The following EBF1 variants were observed in gnomAD, a reference collection of about 807,000 sequenced individuals.
EBF1 encodes EBF transcription factor 1.
A neutral mutation model predicts 68.4 loss-of-function variants in EBF1; 10 were observed. The observed-to-expected ratio is 0.15, with a 90% CI of 0.09 to 0.25. The LOEUF is 0.25. EBF1 is among the 10% of genes least tolerant of loss of function. EBF1 has a pLI of 1.00. For missense variants in EBF1, 509 were observed against 794.4 expected (o/e 0.64, Z 4.32); for synonymous variants, 298 against 299.8 (o/e 0.99, Z 0.06).
chr5:159,012,023 T>C (rs1764766498), intron 6 of EBF1, among the ~76,000 whole-genome samples: 1 of 152,100 alleles, frequency 6.6e-6, no homozygotes, highest in Non-Finnish European at 1.5e-5. Flanking sequence ...GTGCAGTGAC[T>C]CACGCCTGTA....
chr5:158,955,180 G>A (rs1332518801), intron 6 of EBF1, among the ~76,000 whole-genome samples: 3 of 152,030 alleles, frequency 2.0e-5, no homozygotes, highest in Admixed American at 6.6e-5. Context: ...AAAATCAGCC[G>A]GGAGTGGTGG....
chr5:158,851,869 GT>G, intron 6 of EBF1, among the ~76,000 whole-genome samples: 1 of 65,176 alleles, frequency 1.5e-5, no homozygotes, highest in Non-Finnish European at 3.1e-5. Context: ...AAGAGGGGAG[GT>G]GAAGGGTGTG....
chr5:158,703,252 GGT>G (rs1242900408), intron 15 of EBF1, among the ~76,000 whole-genome samples: 1 of 152,182 alleles, frequency 6.6e-6, no homozygotes, highest in Admixed American at 6.5e-5. Flanking sequence ...GACACAGTTA[GGT>G]AGTCTGGGAC....
At chr5:158,730,972 G>C (rs931133678) in intron 11 of EBF1, 97 bp downstream of exon 11, 1 of 1,118,382 alleles carries the variant, frequency 8.9e-7, no homozygotes. Context: ...AAAAATATGA[G>C]TTGTTTACCT....
intron 6 of EBF1, among the ~76,000 whole-genome samples, chr5:159,034,864 G>A (rs1769705709): frequency 1.3e-5 from 2 of 152,128 alleles, no homozygotes; most frequent in South Asian, 2.1e-4. Flanking sequence ...GCTGCCTGAT[G>A]CTTCCTGCCT....
chr5:159,096,258 G>A (rs763226136), intron 3 of EBF1, 85 bp downstream of exon 3: 95 of 1,396,586 alleles, frequency 6.8e-5, no homozygotes, highest in Middle Eastern at 2.4e-4. Flanking sequence ...CTTCGCTGGA[G>A]GATTTCGTCC....
chr5:158,927,482 T>A (rs4128877), intron 6 of EBF1, among the ~76,000 whole-genome samples: 3 of 152,148 alleles, frequency 2.0e-5, no homozygotes, highest in African/African-American at 7.2e-5. Context: ...ATGCTATATA[T>A]ACCAGCAAGT....
chr5:158,852,844 C>A (rs574232759), intron 6 of EBF1, among the ~76,000 whole-genome samples: 1 of 152,186 alleles, frequency 6.6e-6, no homozygotes, highest in Non-Finnish European at 1.5e-5. Flanking sequence ...ACAGGTCACT[C>A]GCTTGCCCTC....
chr5:158,744,613 C>T (rs551254474), intron 10 of EBF1, among the ~76,000 whole-genome samples: 5 of 152,144 alleles, frequency 3.3e-5, no homozygotes, highest in Non-Finnish European at 7.3e-5. Context: ...CTCTATAACT[C>T]CCAGTAAAAA....
intron 6 of EBF1, among the ~76,000 whole-genome samples, chr5:159,035,107 C>T (rs1769763474): frequency 6.6e-6 from 1 of 151,650 alleles, no homozygotes; most frequent in South Asian, 2.1e-4. Context: ...CCATCAGAAA[C>T]AGGGGGAAAG....
intron 7 of EBF1, among the ~76,000 whole-genome samples, chr5:158,833,052 T>G (rs1250782274): frequency 6.6e-6 from 1 of 152,140 alleles, no homozygotes; most frequent in Non-Finnish European, 1.5e-5. Flanking sequence ...GGTTTATCCT[T>G]ATTCTTGATC....
At chr5:158,808,461 T>C (rs1782000503) in intron 8 of EBF1, among the ~76,000 whole-genome samples, 1 of 152,138 alleles carries the variant, frequency 6.6e-6, no homozygotes, top group African/African-American at 2.4e-5. Flanking sequence ...TCTCCCTTTC[T>C]AGCCTCATTT....
intron 6 of EBF1, among the ~76,000 whole-genome samples, chr5:158,870,827 G>A (rs773573192): frequency 5.9e-5 from 9 of 152,152 alleles, no homozygotes; most frequent in Non-Finnish European, 8.8e-5. Context: ...AGTGGACAGG[G>A]CATCAGAGGA....
At chr5:158,960,359 G>A (rs1000393056) in intron 6 of EBF1, among the ~76,000 whole-genome samples, 14 of 151,852 alleles carry the variant, frequency 9.2e-5, no homozygotes, top group Admixed American at 9.2e-4. Context: ...ACACTAAAGA[G>A]GTTACATGTA....
intron 6 of EBF1, among the ~76,000 whole-genome samples, chr5:158,988,113 A>G (rs1377638935): frequency 1.3e-5 from 2 of 152,178 alleles, no homozygotes; most frequent in Non-Finnish European, 2.9e-5. Context: ...AAATAGGTGG[A>G]ATGGATGAGT....
At chr5:159,022,023 G>A (rs1766784249) in intron 6 of EBF1, among the ~76,000 whole-genome samples, 1 of 137,150 alleles carries the variant, frequency 7.3e-6, no homozygotes, top group Non-Finnish European at 1.5e-5. Context: ...CTTCTTAAGG[G>A]CATAGCTTTA....
At chr5:158,902,719 G>C (rs1803694692) in intron 6 of EBF1, among the ~76,000 whole-genome samples, 1 of 151,998 alleles carries the variant, frequency 6.6e-6, no homozygotes, top group African/African-American at 2.4e-5. Flanking sequence ...GCCTCTCAAA[G>C]TGCTGAGATT....
chr5:158,799,458 T>A (rs1780192665), intron 8 of EBF1, among the ~76,000 whole-genome samples: 1 of 151,964 alleles, frequency 6.6e-6, no homozygotes, highest in Non-Finnish European at 1.5e-5. Context: ...AATTAAAGAA[T>A]GCTAAGTATC....
intron 10 of EBF1, among the ~76,000 whole-genome samples, chr5:158,739,747 A>G (rs1765915086): frequency 6.6e-6 from 1 of 152,144 alleles, no homozygotes; most frequent in Non-Finnish European, 1.5e-5. Flanking sequence ...TACTTCTATA[A>G]TTGTTCTTCA....
Sources: gnomAD v4.1 joint callset for allele counts (sites outside exome capture counted in the v4.1 genomes callset) on GRCh38, gnomAD v4.1.1 for gene constraint, MANE v1.5 for transcripts, NCBI Gene and HGNC (gene_info 2026-07-23, HGNC 2026-07-21) for gene names.